Variants in RFTN2 observed in about 807,000 individuals in gnomAD.
RFTN2 encodes raftlin-2.
Under a neutral mutation model 52.7 loss-of-function variants are expected in RFTN2, and 34 were observed. That is an observed-to-expected ratio of 0.64 (90% confidence interval 0.49 to 0.86). The LOEUF (loss-of-function observed/expected upper bound fraction) is 0.86. Among genes scored for constraint, RFTN2 ranks in the 40% least tolerant of loss-of-function variants. The probability of loss-of-function intolerance (pLI) is 0.00; values close to 1 mark genes in which losing one functional copy is unlikely to be tolerated. For missense variants in RFTN2, 536 were observed against 600.1 expected, an observed-to-expected ratio of 0.89 and a Z score of 1.12; for synonymous variants, 203 against 217.7, an observed-to-expected ratio of 0.93 and a Z score of 0.59.
intron 5 of RFTN2, among the ~76,000 whole-genome samples, chr2:197,625,409 C>A (rs2088337690): frequency 6.6e-6 from 1 of 152,088 alleles, no homozygotes; most frequent in South Asian, 2.1e-4. Flanking sequence ...AGAGAGGTAA[C>A]ACTCCATTTT....
intron 7 of RFTN2, among the ~76,000 whole-genome samples, chr2:197,600,497 G>A (rs550194181): frequency 2.6e-5 from 4 of 152,094 alleles, no homozygotes; most frequent in Non-Finnish European, 5.9e-5. Context: ...TTTTGGTTTC[G>A]AGGCTCTAAT....
At chr2:197,617,079 G>A (rs1441953754) in intron 6 of RFTN2, among the ~76,000 whole-genome samples, 2 of 152,114 alleles carry the variant, frequency 1.3e-5, no homozygotes, top group African/African-American at 4.8e-5. Context: ...TTGGCCTGGC[G>A]AGAGAGAGAA....
At chr2:197,617,946 G>C (rs1378810155) in intron 5 of RFTN2, 25 bp from the exon 6 acceptor site, 1 of 1,572,114 alleles carries the variant, frequency 6.4e-7, no homozygotes, top group Non-Finnish European at 8.6e-7. Flanking sequence ...GTACAATTAA[G>C]AAGGGTTGTA....
At chr2:197,629,509 G>A (rs577051505) in intron 5 of RFTN2, among the ~76,000 whole-genome samples, 21 of 152,006 alleles carry the variant, frequency 1.4e-4, no homozygotes, top group African/African-American at 4.8e-4. Flanking sequence ...ACGATTTGAT[G>A]GGTGCGGCAC....
chr2:197,581,783 A>G (rs552606959), intron 8 of RFTN2, among the ~76,000 whole-genome samples: 5 of 152,256 alleles, frequency 3.3e-5, no homozygotes, highest in Admixed American at 2.6e-4. Context: ...CCCTTCTACA[A>G]AACAACAACT....
intron 8 of RFTN2, among the ~76,000 whole-genome samples, chr2:197,593,833 CAG>C (rs1303091280): frequency 7.0e-6 from 1 of 143,098 alleles, no homozygotes; most frequent in Non-Finnish European, 1.5e-5. Context: ...GTGTAGTGAG[CAG>C]AGATTGCGCC....
chr2:197,629,600 T>TA (rs1283789821), intron 5 of RFTN2, among the ~76,000 whole-genome samples: 1 of 148,618 alleles, frequency 6.7e-6, no homozygotes, highest in African/African-American at 2.5e-5. Flanking sequence ...ATAATAATAA[T>TA]AAAAAATAAA....
At chr2:197,591,785 A>G (rs565729565) in intron 8 of RFTN2, among the ~76,000 whole-genome samples, 1 of 152,256 alleles carries the variant, frequency 6.6e-6, no homozygotes, top group Admixed American at 6.5e-5. Flanking sequence ...CGCACCCTCC[A>G]TAGCTGCTGG....
At chr2:197,617,514 CA>C (rs1483798308) in intron 6 of RFTN2, among the ~76,000 whole-genome samples, 1 of 151,600 alleles carries the variant, frequency 6.6e-6, no homozygotes, top group Non-Finnish European at 1.5e-5. Context: ...CCTGTCTCTA[CA>C]AAAAATACAA....
chr2:197,666,299 G>T (rs2089056564), intron 1 of RFTN2, among the ~76,000 whole-genome samples: 1 of 152,190 alleles, frequency 6.6e-6, no homozygotes, highest in South Asian at 2.1e-4. Context: ...TGGCCAGGCT[G>T]GTCTTGAACT....
chr2:197,638,640 C>T (rs946892192), intron 3 of RFTN2, among the ~76,000 whole-genome samples: 9 of 148,576 alleles, frequency 6.1e-5, no homozygotes, highest in South Asian at 2.2e-4. Context: ...TGTTTCTGCA[C>T]GTGAGATGTG....
At chr2:197,574,131 G>A (rs992640968) in intron 8 of RFTN2, among the ~76,000 whole-genome samples, 4 of 152,220 alleles carry the variant, frequency 2.6e-5, no homozygotes, top group Non-Finnish European at 4.4e-5. Flanking sequence ...GAGGGCCACC[G>A]TCTTGCAGAC....
chr2:197,653,540 C>G (rs2088852249), intron 1 of RFTN2, among the ~76,000 whole-genome samples: 1 of 150,164 alleles, frequency 6.7e-6, no homozygotes, highest in Non-Finnish European at 1.5e-5. Context: ...AAATATCTAT[C>G]TGGTTAGTTA....
At chr2:197,625,958 T>G (rs1374005044) in intron 5 of RFTN2, among the ~76,000 whole-genome samples, 1 of 151,894 alleles carries the variant, frequency 6.6e-6, no homozygotes. Flanking sequence ...CCGGCTAATT[T>G]TTGCATTTCT....
chr2:197,572,743 T>C lies in RFTN2; in HGVS notation c.1234-463A>G, dbSNP rs138782033. 2.5e-3 allele frequency among the ~76,000 whole-genome samples: 384 copies of C among 152,234 alleles called. 5 individuals are homozygous for C. Among genetic ancestry groups the C allele is most frequent in the African/African-American group, 8.9e-3 (371 of 41,516 alleles). ...GCACAGAAGAGTCACAGTGATATGG[T>C]TTGGCTGTGTCCCCACCCAAATCTC... On this transcript the variant is annotated intron_variant, in intron 8 of 8. Transcript: ENST00000295049.
At position 197,622,038 on chromosome 2, in the gene RFTN2, A is replaced by G. The variant is rs558562588; in HGVS notation, c.929-4117T>C. Among the ~76,000 whole-genome samples, 17 of 152,374 alleles carry G rather than the reference A, an allele frequency of 1.1e-4. No homozygotes were observed. In the South Asian group the frequency reaches 3.5e-3, roughly 32 times the overall value. On this transcript the variant is annotated intron_variant, in intron 5 of 8. Transcript: ENST00000295049. ...ATAGAAGATCAAAGCAGCCACAAGCAGTCCCTTAAGCCAAAGCCTAATCCA... is the reference window on the plus strand; with the variant it reads ...ATAGAAGATCAAAGCAGCCACAAGCGGTCCCTTAAGCCAAAGCCTAATCCA...
chr2:197,585,284 T>C (rs1196851943), intron 8 of RFTN2, among the ~76,000 whole-genome samples: 1 of 152,188 alleles, frequency 6.6e-6, no homozygotes, highest in Non-Finnish European at 1.5e-5. Context: ...CCCCAAAAAC[T>C]TGTCATCCCT....
rs2087292436 is a variant in RFTN2, at chr2:197,570,044, G to A, written c.*1964C>T. 1 of 151,868 alleles carries A rather than the reference G, an allele frequency of 6.6e-6. No individual in the cohort carries two copies. The highest frequency in any genetic ancestry group is 6.6e-5 in the Admixed American group (1 of 15,240). The allele number at this position is 151,868 out of a possible 1,614,324, so 9.4% of individuals were successfully genotyped here. ...TACTTCCAATCCCCTATGTATGTGG[G>A]CTGAATGATAAAGAAGTCTCTACCT... is the stretch of plus-strand genomic sequence containing the variant. On this transcript the variant is annotated 3_prime_UTR_variant, in exon 9 of 9. Coordinates refer to ENST00000295049, the MANE Select transcript of RFTN2 (RefSeq NM_144629.3).
chr2:197,638,170 A>C (rs1487543666), intron 3 of RFTN2, among the ~76,000 whole-genome samples: 1 of 135,600 alleles, frequency 7.4e-6, no homozygotes, highest in African/African-American at 2.6e-5. Flanking sequence ...TATGTGGTCA[A>C]TTTTGGAATA....
Sources: gnomAD v4.1 joint callset for allele counts (sites outside exome capture counted in the v4.1 genomes callset) on GRCh38, gnomAD v4.1.1 for gene constraint, MANE v1.5 for transcripts, NCBI Gene and HGNC (gene_info 2026-07-23, HGNC 2026-07-21) for gene names.